Variants in STARD9 observed in about 807,000 individuals in gnomAD.
STARD9 encodes the protein StAR related lipid transfer domain containing 9.
STARD9 carries 346 observed loss-of-function variants against 399.8 expected under a neutral mutation model. The observed-to-expected ratio is 0.87, with a 90% CI of 0.79 to 0.95. The LOEUF is 0.95. STARD9 is among the 40% of genes least tolerant of loss of function. The pLI is 0.00. For missense variants in STARD9, 5,832 were observed against 5,667.5 expected (o/e 1.03, Z -0.93); for synonymous variants, 2,203 against 2,143.5 (o/e 1.03, Z -0.77).
chr15:42,599,799 A>G (rs1264806882), intron 3 of STARD9, among the ~76,000 whole-genome samples: 1 of 152,194 alleles, frequency 6.6e-6, no homozygotes, highest in Admixed American at 6.5e-5. Context: ...AGGAATACAG[A>G]GTAGTAGATG....
At chr15:42,622,200 G>A (rs1317675930) in intron 3 of STARD9, among the ~76,000 whole-genome samples, 4 of 152,094 alleles carry the variant, frequency 2.6e-5, no homozygotes, top group Admixed American at 2.6e-4. Flanking sequence ...TTGAGCCCAG[G>A]AATTCAAAGC....
In STARD9 at chr15:42,716,046, G is replaced by T. The variant is rs572630571; in HGVS notation, c.13285-631G>T. Among the ~76,000 whole-genome samples, 68 of 152,290 alleles carry T rather than the reference G, an allele frequency of 4.5e-4. 1 individual carries two copies. The highest frequency in any genetic ancestry group is 1.5e-3 in the African/African-American group (61 of 41,566). On this transcript the variant is annotated intron_variant, in intron 26 of 32. Coordinates refer to ENST00000290607, the MANE Select transcript of STARD9 (RefSeq NM_020759.3). ...CTCCTTTATTGTGATCAGAGTAGCA[G>T]TAGGTTAAAGGTGATGATGGAGGTA...
Position 42,705,208 on chromosome 15 carries a change from G to A in STARD9, c.13284+9328G>A, listed in dbSNP as rs561008617. On this transcript the variant is annotated intron_variant, in intron 26 of 32. Coordinates refer to ENST00000290607, the MANE Select transcript of STARD9 (RefSeq NM_020759.3). ...GCGGTGTCTCTCATCACTACCTAGG[G>A]TTGGGGAAGGGTTGGTACAGATAAT... Among the ~76,000 whole-genome samples, 21 of 152,294 alleles carry A rather than the reference G, an allele frequency of 1.4e-4. 1 individual carries two copies. The South Asian group carries it at 4.1e-3, about 30-fold the overall frequency.
chr15:42,610,048 A>G (rs1197546), intron 3 of STARD9, among the ~76,000 whole-genome samples: 116,527 of 151,994 alleles, frequency 0.77, 45,812 homozygotes, highest in Non-Finnish European at 0.87. Context: ...AGCTTAGATC[A>G]CGGCACTGAA....
Position 42,686,521 on chromosome 15 carries a change from A to AT in STARD9, c.4949dup (p.Gln1651ProfsTer8). ...GGACTGATGACTTCCTCTGATGAGGATTTTTTCCAGAAGAACGCTTGTCAC... is the reference window on the plus strand; with the variant it reads ...GGACTGATGACTTCCTCTGATGAGGATTTTTTTCCAGAAGAACGCTTGTCAC... On this transcript the variant is annotated frameshift_variant, in exon 23 of 33. Coordinates refer to ENST00000290607, the MANE Select transcript of STARD9 (RefSeq NM_020759.3). LOFTEE classifies it high-confidence loss of function. 1 of 1,537,602 alleles carries AT rather than the reference A, an allele frequency of 6.5e-7. No homozygotes were observed. Among genetic ancestry groups the AT allele is most frequent in the Non-Finnish European group, 8.7e-7 (1 of 1,147,018 alleles).
chr15:42,711,354 TG>T (rs2061219462), intron 26 of STARD9, among the ~76,000 whole-genome samples: 1 of 152,204 alleles, frequency 6.6e-6, no homozygotes, highest in African/African-American at 2.4e-5. Flanking sequence ...TTGGCCAGGC[TG>T]GTCTCCAACT....
chr15:42,708,408 A>G (rs923258007), intron 26 of STARD9, among the ~76,000 whole-genome samples: 1 of 152,192 alleles, frequency 6.6e-6, no homozygotes, highest in African/African-American at 2.4e-5. Flanking sequence ...TTGTGTTCCC[A>G]CTACAGTGGC....
chr15:42,586,503 C>T (rs1156788483), intron 3 of STARD9, among the ~76,000 whole-genome samples: 2 of 152,154 alleles, frequency 1.3e-5, no homozygotes, highest in Non-Finnish European at 2.9e-5. Flanking sequence ...GGTTTGAGCA[C>T]TGTTAAAGGC....
Position 42,656,327 on chromosome 15 carries a change from TAAAAAAAAAAAA to T in STARD9, c.702+3764_702+3775del, listed in dbSNP as rs869264641. 5.7e-4 allele frequency among the ~76,000 whole-genome samples: 20 copies of T among 35,336 alleles called. No homozygotes were observed. The Admixed American group carries it at 6.4e-3, about 11-fold the overall frequency. 23.2% of individuals were successfully genotyped at this position (35,336 alleles called of 152,430 possible). A position where few individuals can be genotyped will look rare whatever the true frequency, so the allele number is the denominator to read the frequency against. On this transcript the variant is annotated intron_variant, in intron 9 of 32. Transcript: ENST00000290607. The stretch of plus-strand genomic sequence containing the variant: ...ATGCCACTGCACTCCAGCCATCTCC[TAAAAAAAAAAAA>T]AAAAAAAAAAAAAAAAAAAAAAAAA...
rs1366454850 is a variant in STARD9, at chr15:42,691,990, T to C, written c.10412T>C (p.Leu3471Pro). The change falls in exon 23 of 33, where the codon CTG becomes CCG. Residue 3471 changes from leucine to proline, a missense_variant. Coordinates refer to ENST00000290607, the MANE Select transcript of STARD9 (RefSeq NM_020759.3). ...FGSSDISPYA[L>P]PWRPEEPARI... ...TCCAGTGACATCAGTCCCTATGCGC[T>C]GCCGTGGCGTCCGGAGGAGCCTGCA... is the stretch of plus-strand genomic sequence containing the variant. The C allele has an allele frequency of 6.5e-7, 1 of 1,537,226 alleles. No homozygotes were observed. The highest frequency in any genetic ancestry group is 1.2e-5 in the South Asian group (1 of 84,068).
chr15:42,644,330 G>GA (rs1192930953), intron 7 of STARD9, among the ~76,000 whole-genome samples: 1 of 151,844 alleles, frequency 6.6e-6, no homozygotes, highest in Non-Finnish European at 1.5e-5. Context: ...CGTCTCTACT[G>GA]AAAATACAAA....
intron 3 of STARD9, among the ~76,000 whole-genome samples, chr15:42,628,802 C>T (rs1045775392): frequency 6.6e-6 from 1 of 152,060 alleles, no homozygotes; most frequent in Non-Finnish European, 1.5e-5. Flanking sequence ...TGTTTTTATG[C>T]CAGTACCGTG....
At chr15:42,628,923 T>G (rs1189641061) in intron 3 of STARD9, among the ~76,000 whole-genome samples, 1 of 152,222 alleles carries the variant, frequency 6.6e-6, no homozygotes, top group African/African-American at 2.4e-5. Context: ...TCTTCTGTGG[T>G]TCAATAAAAA....
chr15:42,608,348 A>G (rs959218008), intron 3 of STARD9, among the ~76,000 whole-genome samples: 1 of 152,110 alleles, frequency 6.6e-6, no homozygotes, highest in Non-Finnish European at 1.5e-5. Flanking sequence ...TGAACACATA[A>G]CTAATCTCTT....
chr15:42,576,244 G>T (rs1307159617), intron 1 of STARD9, among the ~76,000 whole-genome samples: 1 of 152,192 alleles, frequency 6.6e-6, no homozygotes, highest in African/African-American at 2.4e-5. Flanking sequence ...GACACAGGTC[G>T]CGGTTTCTTT....
chr15:42,591,822 C>G (rs920259954), intron 3 of STARD9, among the ~76,000 whole-genome samples: 1 of 152,190 alleles, frequency 6.6e-6, no homozygotes, highest in African/African-American at 2.4e-5. Flanking sequence ...TACTGAGAAG[C>G]AGCTTTATTT....
intron 7 of STARD9, among the ~76,000 whole-genome samples, chr15:42,647,305 A>G (rs1045901704): frequency 6.6e-6 from 1 of 152,126 alleles, no homozygotes; most frequent in African/African-American, 2.4e-5. Context: ...TTATTTTTCC[A>G]CTTGTTTTAA....
chr15:42,649,479 C>G (rs921071636), intron 7 of STARD9, among the ~76,000 whole-genome samples: 1 of 151,888 alleles, frequency 6.6e-6, no homozygotes, highest in East Asian at 1.9e-4. Context: ...TATTATTTCT[C>G]AGATATCCAT....
intron 15 of STARD9, among the ~76,000 whole-genome samples, chr15:42,667,342 G>T (rs12438056): frequency 3.3e-5 from 5 of 150,562 alleles, no homozygotes; most frequent in African/African-American, 4.9e-5. Flanking sequence ...ACGCCACCAC[G>T]CCCGACTAAT....
Sources: gnomAD v4.1 joint callset for allele counts (sites outside exome capture counted in the v4.1 genomes callset) on GRCh38, gnomAD v4.1.1 for gene constraint, MANE v1.5 for transcripts, NCBI Gene and HGNC (gene_info 2026-07-23, HGNC 2026-07-21) for gene names.